The following FSTL4 variants were observed in gnomAD, a reference collection of about 807,000 sequenced individuals.
FSTL4 encodes follistatin-related protein 4.
In FSTL4, 28 loss-of-function variants were observed where a neutral mutation model predicts 78.2. That is an observed-to-expected ratio of 0.36 (90% CI 0.27 to 0.49). The LOEUF (loss-of-function observed/expected upper bound fraction) is 0.49, where lower values mean the gene tolerates loss of function less well. FSTL4 is among the 20% of genes least tolerant of loss of function. The probability of loss-of-function intolerance (pLI) is 0.98; values close to 1 mark genes in which losing one functional copy is unlikely to be tolerated. For synonymous variants in FSTL4, 422 were observed against 440.5 expected (o/e 0.96, Z 0.53); for missense variants, 922 against 1,084.9 (o/e 0.85, Z 2.11).
chr5:133,818,102 C>T, the FSTL4 span, among the ~76,000 whole-genome samples: 3 of 152,228 alleles, frequency 2.0e-5, no homozygotes, highest in Non-Finnish European at 2.9e-5. Flanking sequence ...TCTCCTTCCA[C>T]GTGGTGCAGC....
intron 4 of FSTL4, among the ~76,000 whole-genome samples, chr5:133,395,131 A>C (rs1755977324): frequency 6.6e-6 from 1 of 152,160 alleles, no homozygotes; most frequent in African/African-American, 2.4e-5. Context: ...GTGGGGCCAG[A>C]TAAAGGAATA....
At chr5:133,486,860 C>G (rs1389768303) in intron 3 of FSTL4, among the ~76,000 whole-genome samples, 2 of 152,252 alleles carry the variant, frequency 1.3e-5, no homozygotes, top group South Asian at 4.1e-4. Flanking sequence ...GTAGTGTTAT[C>G]CCTGTTTGAC....
At chr5:133,404,183 G>A (rs75592436) in intron 3 of FSTL4, among the ~76,000 whole-genome samples, 2,020 of 152,308 alleles carry the variant, frequency 0.013, 16 homozygotes, top group Non-Finnish European at 0.018. Flanking sequence ...AGGATACCCC[G>A]GGCGGGGTAA....
At chr5:133,295,131 CT>C (rs1753359975) in intron 6 of FSTL4, among the ~76,000 whole-genome samples, 1 of 152,190 alleles carries the variant, frequency 6.6e-6, no homozygotes, top group African/African-American at 2.4e-5. Context: ...CTTCTTCTCC[CT>C]CCTCAGACTT....
intron 4 of FSTL4, among the ~76,000 whole-genome samples, chr5:133,394,838 C>A (rs1755962978): frequency 6.6e-6 from 1 of 152,238 alleles, no homozygotes; most frequent in African/African-American, 2.4e-5. Flanking sequence ...ACTTGGAGAA[C>A]TTTTATGTCT....
chr5:133,337,565 A>G (rs905030951), intron 4 of FSTL4, among the ~76,000 whole-genome samples: 5 of 152,202 alleles, frequency 3.3e-5, no homozygotes, highest in Non-Finnish European at 7.3e-5. Flanking sequence ...GATCACAGAA[A>G]ATAGTGTGGG....
chr5:133,727,013 G>A, the FSTL4 span, among the ~76,000 whole-genome samples: 1 of 152,096 alleles, frequency 6.6e-6, no homozygotes, highest in Non-Finnish European at 1.5e-5. Flanking sequence ...TATTAACTAT[G>A]CATTGGAAAA....
At chr5:133,535,673 T>C (rs571342986) in intron 3 of FSTL4, among the ~76,000 whole-genome samples, 2 of 152,354 alleles carry the variant, frequency 1.3e-5, no homozygotes, top group South Asian at 4.1e-4. Context: ...TGTGTGTGTC[T>C]TTAATTCTTC....
chr5:133,284,487 C>T (rs951421275), intron 6 of FSTL4, among the ~76,000 whole-genome samples: 7 of 152,302 alleles, frequency 4.6e-5, no homozygotes, highest in Middle Eastern at 3.4e-3. Flanking sequence ...TTGCTGCTGA[C>T]GCCCTGCTGA....
chr5:133,403,380 C>T (rs1410422171), intron 3 of FSTL4, among the ~76,000 whole-genome samples: 1 of 152,188 alleles, frequency 6.6e-6, no homozygotes, highest in Non-Finnish European at 1.5e-5. Context: ...GAAGTGCTTG[C>T]TACCAGCCCA....
chr5:133,754,396 T>A, the FSTL4 span, among the ~76,000 whole-genome samples: 22 of 152,262 alleles, frequency 1.4e-4, no homozygotes, highest in South Asian at 4.6e-3. Context: ...CTAATAAAAT[T>A]TAGATCTGCA....
upstream of FSTL4, among the ~76,000 whole-genome samples, chr5:133,616,215 G>A (rs554276370): frequency 8.5e-5 from 13 of 152,228 alleles, no homozygotes; most frequent in South Asian, 2.1e-4. Flanking sequence ...GAAAAGAGGG[G>A]CCAATTTCCT....
At chr5:133,660,030 A>G in the FSTL4 span, among the ~76,000 whole-genome samples, 3 of 152,254 alleles carry the variant, frequency 2.0e-5, no homozygotes, top group Admixed American at 1.3e-4. Context: ...CGAAGCCAGG[A>G]GTTTTGTCTA....
In FSTL4 at chr5:133,517,737, A is replaced by G. The variant is rs1471589309; in HGVS notation, c.160+49449T>C. ...AATCTGCAGGGTAGGCTGGCAGGCTAAAGTCCCAGAAAAGAGTTGATGTTA... is the reference window on the plus strand; with the variant it reads ...AATCTGCAGGGTAGGCTGGCAGGCTGAAGTCCCAGAAAAGAGTTGATGTTA... On this transcript the variant is annotated intron_variant, in intron 3 of 15. Coordinates refer to ENST00000265342, the MANE Select transcript of FSTL4 (RefSeq NM_015082.2). Among the ~76,000 whole-genome samples, 7 of 151,240 alleles carry G rather than the reference A, an allele frequency of 4.6e-5. 1 individual carries two copies. The highest frequency in any genetic ancestry group is 3.3e-4 in the Admixed American group (5 of 15,180).
intron 3 of FSTL4, among the ~76,000 whole-genome samples, chr5:133,417,599 A>T (rs1756601000): frequency 6.6e-6 from 1 of 152,232 alleles, no homozygotes; most frequent in South Asian, 2.1e-4. Context: ...AAAACCAAAG[A>T]TAATGAGAAA....
At chr5:133,239,356 C>G (rs544586986) in intron 7 of FSTL4, among the ~76,000 whole-genome samples, 2 of 152,188 alleles carry the variant, frequency 1.3e-5, no homozygotes, top group Admixed American at 1.3e-4. Context: ...GCGCACGGCA[C>G]GGGACTGGCA....
At chr5:133,416,572 T>C (rs544426588) in intron 3 of FSTL4, among the ~76,000 whole-genome samples, 1 of 152,330 alleles carries the variant, frequency 6.6e-6, no homozygotes, top group East Asian at 1.9e-4. Context: ...AGGACAAGTT[T>C]ATAGTGGAGA....
chr5:133,225,139 T>C lies in FSTL4; in HGVS notation c.1312+11A>G, dbSNP rs1302523326. 2 of 1,614,184 alleles carry C rather than the reference T, an allele frequency of 1.2e-6. No homozygotes were observed. Among genetic ancestry groups the C allele is most frequent in the Admixed American group, 1.7e-5 (1 of 60,026 alleles). The stretch of plus-strand genomic sequence containing the variant: ...CAGCTCAGTGAGAAGCATAAACGCG[T>C]GTCGACTTACGGGTCTTTCTAGCTG... On this transcript the variant is annotated intron_variant, in intron 10 of 15. Coordinates refer to ENST00000265342, the MANE Select transcript of FSTL4 (RefSeq NM_015082.2). The surrounding 1 kb of genome is among the most constrained non-coding windows in gnomAD (Gnocchi z 4.6).
At chr5:133,213,880 A>T (rs1445729345) in intron 13 of FSTL4, among the ~76,000 whole-genome samples, 4 of 152,222 alleles carry the variant, frequency 2.6e-5, no homozygotes, top group Admixed American at 1.3e-4. Flanking sequence ...ATATAATGAC[A>T]TAGAAAGGTT....
Sources: gnomAD v4.1 joint callset for allele counts (sites outside exome capture counted in the v4.1 genomes callset) on GRCh38, gnomAD v4.1.1 for gene constraint, Gnocchi (gnomAD v3.1) non-coding constraint, MANE v1.5 for transcripts, NCBI Gene and HGNC (gene_info 2026-07-23, HGNC 2026-07-21) for gene names.